Variants in HDC observed in about 807,000 individuals in gnomAD.
HDC encodes histidine decarboxylase.
HDC carries 27 observed loss-of-function variants against 64.4 expected under a neutral mutation model. The observed-to-expected ratio is 0.42, with a 90% CI of 0.31 to 0.58. The LOEUF (loss-of-function observed/expected upper bound fraction) is 0.58. Ranked by LOEUF, HDC falls within the 20% of genes least tolerant of loss-of-function variation. HDC has a pLI of 0.16. For synonymous variants in HDC, 305 were observed against 314.2 expected, an observed-to-expected ratio of 0.97 and a Z score of 0.31; for missense variants, 711 against 833.9, an observed-to-expected ratio of 0.85 and a Z score of 1.81.
At position 50,242,750 on chromosome 15, in the gene HDC, C is replaced by A; in HGVS notation, c.1499G>T (p.Trp500Leu). Residue 500 changes from tryptophan to leucine, a missense_variant, in exon 12 of 12, where the codon TGG becomes TTG. By Grantham distance (61) the Trp-to-Leu change is moderately conservative. This residue lies in a region of HDC where 483 missense variants were observed against 540.9 expected (regional missense o/e 0.89). Transcript: ENST00000267845. ...LISQIRGARA[W>L]ACGTSLQSVS... ...AGACTGAAGGGACGTTCCACAGGCCCAGGCTCTGGCACCCCTGATTTGGGA... is the reference window on the plus strand; with the variant it reads ...AGACTGAAGGGACGTTCCACAGGCCAAGGCTCTGGCACCCCTGATTTGGGA... 1 of 1,614,024 alleles carries A rather than the reference C, an allele frequency of 6.2e-7. No individual in the cohort carries two copies. The highest frequency in any genetic ancestry group is 8.5e-7 in the Non-Finnish European group (1 of 1,180,036).
rs771484741 is a variant in HDC, at chr15:50,242,311, G to A, written c.1938C>T (p.Ser646=). 7.4e-6 allele frequency: 12 copies of A among 1,614,100 alleles called. No individual in the cohort carries two copies. In the Admixed American group the frequency reaches 1.7e-4, roughly 22 times the overall value. The stretch of plus-strand genomic sequence containing the variant: ...AGGGCAGCTGGAGTCCACATTGAGA[G>A]CTGCATTCAGGAAAGCTGGGGACGC... ...FYSVPSFPEC[S]SQCGLQLPCC... The change falls in exon 12 of 12, where the codon AGC becomes AGT. Residue 646 remains serine, a synonymous_variant. Coordinates refer to ENST00000267845, the MANE Select transcript of HDC (RefSeq NM_002112.4).
In HDC at chr15:50,254,752, CTCT is replaced by C. The variant is rs1275390981; in HGVS notation, c.442-91_442-89del. ...TTTCTAGTTTTTTCTCTCTCTCTCT[CTCT>C]CTCTCTCTCTCTCTCTCTCTCTGTG... On this transcript the variant is annotated intron_variant, in intron 4 of 11. Coordinates refer to ENST00000267845, the MANE Select transcript of HDC (RefSeq NM_002112.4). 3.2e-6 allele frequency: 3 copies of C among 927,238 alleles called. No homozygotes were observed. In the African/African-American group the frequency reaches 5.9e-5, roughly 18 times the overall value. 57.4% of individuals were successfully genotyped at this position (927,238 alleles called of 1,614,324 possible).
In HDC at chr15:50,258,392, G is replaced by T. The variant is rs764356596; in HGVS notation, c.318+12C>A. On this transcript the variant is annotated intron_variant, in intron 3 of 11. Coordinates refer to ENST00000267845, the MANE Select transcript of HDC (RefSeq NM_002112.4). ...TTCCCCATTGCGAGTAGTTACAGCC[G>T]TTGCTACTCACCCAGGTGAATCCCA... The T allele has an allele frequency of 6.6e-7, 1 of 1,512,418 alleles. No homozygotes were observed. Among genetic ancestry groups the T allele is most frequent in the South Asian group, 1.1e-5 (1 of 88,992 alleles). 93.7% of individuals were successfully genotyped at this position (1,512,418 alleles called of 1,614,324 possible). A position where few individuals can be genotyped will look rare whatever the true frequency, so the allele number is the denominator to read the frequency against.
At chr15:50,264,821 T>C (rs2045747133) in intron 1 of HDC, among the ~76,000 whole-genome samples, 1 of 152,170 alleles carries the variant, frequency 6.6e-6, no homozygotes, top group African/African-American at 2.4e-5. Context: ...CTGGTTCTTC[T>C]CCAGCAGGGC....
chr15:50,247,976 G>A (rs1476984307), intron 10 of HDC, among the ~76,000 whole-genome samples: 4 of 152,158 alleles, frequency 2.6e-5, no homozygotes, highest in Non-Finnish European at 4.4e-5. Context: ...AGACTCTGGG[G>A]CCAACCCTCC....
At chr15:50,263,143 C>T in intron 2 of HDC, 92 bp downstream of exon 2, 1 of 1,355,170 alleles carries the variant, frequency 7.4e-7, no homozygotes. Flanking sequence ...ATTCTCATCC[C>T]AAGCTGACCC....
chr15:50,242,976 T>C lies in HDC; in HGVS notation c.1273A>G (p.Lys425Glu). 1 of 1,614,078 alleles carries C rather than the reference T, an allele frequency of 6.2e-7. No homozygotes were observed. The highest frequency in any genetic ancestry group is 8.5e-7 in the Non-Finnish European group (1 of 1,179,990). The change falls in exon 12 of 12, where the codon AAG becomes GAG. Residue 425 changes from lysine (K) to glutamate (E), a missense_variant. Coordinates refer to ENST00000267845, the MANE Select transcript of HDC (RefSeq NM_002112.4). ...GPNCLTENVL[K>E]EIAKAGRLFL... ...AGACGGCCAGCTTTAGCTATTTCCT[T>C]TAACACATTTTCTGTGAGACAATTA...
At position 50,251,423 on chromosome 15, in the gene HDC, C is replaced by T. The variant is rs1306813025; in HGVS notation, c.1041+1007G>A. Among the ~76,000 whole-genome samples the T allele has an allele frequency of 7.9e-5, 12 of 152,206 alleles. 1 individual carries two copies. Among genetic ancestry groups the T allele is most frequent in the Admixed American group, 7.9e-4 (12 of 15,276 alleles). On this transcript the variant is annotated intron_variant, in intron 9 of 11. Transcript: ENST00000267845. Reference sequence around the variant, plus strand: ...AATCAATGCCACTATTCTCATTTTACAGATAAGGAAAGCAAGGCTCAGAGA... The same window carrying T: ...AATCAATGCCACTATTCTCATTTTATAGATAAGGAAAGCAAGGCTCAGAGA...
At chr15:50,251,815 G>A (rs2045558593) in intron 9 of HDC, among the ~76,000 whole-genome samples, 1 of 150,032 alleles carries the variant, frequency 6.7e-6, no homozygotes, top group Non-Finnish European at 1.5e-5. Context: ...CTGGTTGACA[G>A]AGCGAGACTC....
chr15:50,248,438 C>G lies in HDC; in HGVS notation c.1042-95G>C. 1.2e-6 allele frequency: 1 copy of G among 821,008 alleles called. No homozygotes were observed. Among genetic ancestry groups the G allele is most frequent in the Non-Finnish European group, 2.1e-6 (1 of 483,186 alleles). 50.9% of individuals were successfully genotyped at this position (821,008 alleles called of 1,614,324 possible). ...CATTATCTGTTGCCTGCCCAGCCCT[C>G]CAGGGATGGACGATGTCACCATGAC... is the stretch of plus-strand genomic sequence containing the variant. On this transcript the variant is annotated intron_variant, in intron 9 of 11. Transcript: ENST00000267845. This position sits in a 1 kb window ranked among gnomAD's most constrained non-coding sequence, Gnocchi z 4.3.
chr15:50,264,477 G>A (rs1053243533), intron 1 of HDC, among the ~76,000 whole-genome samples: 1 of 152,040 alleles, frequency 6.6e-6, no homozygotes, highest in Non-Finnish European at 1.5e-5. Context: ...TGTATCAAGT[G>A]AATGAACATA....
chr15:50,254,393 A>G, intron 5 of HDC, 120 bp from the exon 6 acceptor site: 8 of 1,522,610 alleles, frequency 5.3e-6, no homozygotes, highest in Non-Finnish European at 7.3e-6. Flanking sequence ...TCTTCCCTAC[A>G]GTTGCTGGAG....
intron 2 of HDC, among the ~76,000 whole-genome samples, chr15:50,261,681 C>T (rs1302120536): frequency 6.8e-6 from 1 of 146,552 alleles, no homozygotes; most frequent in Non-Finnish European, 1.5e-5. Flanking sequence ...TGAATATTTT[C>T]CCACCCCTGC....
chr15:50,243,919 G>A (rs943432981), intron 10 of HDC, among the ~76,000 whole-genome samples: 16 of 152,160 alleles, frequency 1.1e-4, no homozygotes, highest in African/African-American at 3.9e-4. Flanking sequence ...TGGAAATAAT[G>A]GTGATGGTCA....
chr15:50,247,840 A>G (rs1296060478), intron 10 of HDC, among the ~76,000 whole-genome samples: 1 of 152,240 alleles, frequency 6.6e-6, no homozygotes, highest in African/African-American at 2.4e-5. Flanking sequence ...TTTCAGGCAT[A>G]ATCATAATAG....
At chr15:50,246,476 C>T (rs1189886795) in intron 10 of HDC, among the ~76,000 whole-genome samples, 1 of 152,094 alleles carries the variant, frequency 6.6e-6, no homozygotes. Context: ...GAATTTAATC[C>T]ATTCACAACA....
chr15:50,256,838 C>A (rs760875449), intron 4 of HDC, among the ~76,000 whole-genome samples: 4 of 152,070 alleles, frequency 2.6e-5, no homozygotes, highest in African/African-American at 4.8e-5. Flanking sequence ...GTCTTAGAAC[C>A]AAGCCCTCAT....
At chr15:50,265,381 A>G (rs1315727098) in intron 1 of HDC, among the ~76,000 whole-genome samples, 2 of 152,120 alleles carry the variant, frequency 1.3e-5, no homozygotes, top group African/African-American at 4.8e-5. Context: ...GAGTGGGTAT[A>G]TGAGAGGGAG....
intron 10 of HDC, among the ~76,000 whole-genome samples, chr15:50,247,650 T>G (rs2140927663): frequency 6.6e-6 from 1 of 152,332 alleles, no homozygotes; most frequent in South Asian, 2.1e-4. Context: ...ATGAAGAACA[T>G]GGGAGAGAGG....
Sources: allele counts gnomAD v4.1 joint callset (sites outside exome capture counted in the v4.1 genomes callset), GRCh38; gene constraint gnomAD v4.1.1; regional missense constraint gnomAD v4.1.1; non-coding constraint Gnocchi (gnomAD v3.1); transcripts MANE v1.5; gene names NCBI Gene and HGNC (gene_info 2026-07-23, HGNC 2026-07-21).